CD4: variants seen among roughly 807,000 people sequenced by gnomAD.
The protein encoded by CD4 is CD4 molecule.
A neutral mutation model predicts 50.5 loss-of-function variants in CD4; 25 were observed. The observed-to-expected ratio is 0.49, with a 90% CI of 0.36 to 0.69. CD4 has a LOEUF of 0.69. Among genes scored for constraint, CD4 ranks in the 30% least tolerant of loss-of-function variants. The probability of loss-of-function intolerance (pLI) is 0.00; values close to 1 mark genes in which losing one functional copy is unlikely to be tolerated. For missense variants in CD4, 456 were observed against 548.5 expected (o/e 0.83, Z 1.68); for synonymous variants, 207 against 221.9 (o/e 0.93, Z 0.60).
chr12:6,795,884 T>C (rs1290028381), intron 1 of CD4, among the ~76,000 whole-genome samples: 3 of 152,088 alleles, frequency 2.0e-5, no homozygotes, highest in Admixed American at 2.0e-4. Context: ...CTATGAGCCA[T>C]GTGTGGCTGT....
chr12:6,818,488 C>T lies in CD4; in HGVS notation c.1224C>T (p.Leu408=), dbSNP rs1555118477. The T allele has an allele frequency of 6.2e-7, 1 of 1,613,090 alleles. No homozygotes were observed. Among genetic ancestry groups the T allele is most frequent in the Non-Finnish European group, 8.5e-7 (1 of 1,180,024 alleles). The change falls in exon 8 of 10, where the codon CTC becomes CTT. Residue 408 remains leucine, a synonymous_variant. Transcript: ENST00000011653. This position sits in a 1 kb window ranked among gnomAD's most constrained non-coding sequence, Gnocchi z 5.0. ...ALIVLGGVAG[L]LLFIGLGIFF... ...TTGTGCTGGGGGGCGTCGCCGGCCT[C>T]CTGCTTTTCATTGGGCTAGGCATCT...
intron 3 of CD4, among the ~76,000 whole-genome samples, chr12:6,804,412 C>T (rs1942662778): frequency 6.6e-6 from 1 of 152,112 alleles, no homozygotes; most frequent in Non-Finnish European, 1.5e-5. Context: ...TTGTGGATGA[C>T]ATGATTACAT....
chr12:6,794,495 C>T (rs886298057), intron 1 of CD4, among the ~76,000 whole-genome samples: 18 of 151,632 alleles, frequency 1.2e-4, no homozygotes, highest in Admixed American at 7.2e-4. Context: ...CCTCAGCCTC[C>T]CAAGTAGCTG....
chr12:6,814,300 T>A lies in CD4; in HGVS notation c.373T>A (p.Leu125Met), dbSNP rs368913676. ...GGAGGTGCAATTGCTAGTGTTCGGA[T>A]GTGAGTGGGGCAGGTGGGGATGAGG... ...KEEVQLLVFG[L>M]TANSDTHLLQ... is the part of the protein sequence containing the mutation. The change falls in exon 4 of 10, where the codon TTG becomes ATG. Residue 125 changes from leucine (L) to methionine (M), a missense_variant and splice_region_variant. Physicochemically the swap from Leu to Met is conservative, Grantham distance 15. Transcript: ENST00000011653. 3.1e-6 allele frequency: 5 copies of A among 1,613,480 alleles called. No individual in the cohort carries two copies. The African/African-American group carries it at 5.3e-5, about 17-fold the overall frequency.
chr12:6,805,203 AAAAGAAAAG>A (rs1341639273), intron 3 of CD4, among the ~76,000 whole-genome samples: 15 of 36,398 alleles, frequency 4.1e-4, no homozygotes, highest in Non-Finnish European at 7.3e-4. Flanking sequence ...AAAAAAAAAA[AAAAGAAAAG>A]AAAAGAAAAG....
intron 3 of CD4, among the ~76,000 whole-genome samples, chr12:6,806,272 G>A (rs1170307922): frequency 6.6e-6 from 1 of 151,470 alleles, no homozygotes; most frequent in South Asian, 2.1e-4. Flanking sequence ...ATACACACAC[G>A]TGTGTGTACA....
intron 3 of CD4, among the ~76,000 whole-genome samples, chr12:6,811,732 G>C (rs1412677362): frequency 2.0e-5 from 3 of 149,342 alleles, no homozygotes; most frequent in African/African-American, 7.4e-5. Context: ...GGCTGGTCTT[G>C]AACTCCTGAC....
rs561866898 is a variant in CD4 at position 6,803,791 on chromosome 12, T to A, written c.214+3320T>A. Among the ~76,000 whole-genome samples, 851 of 141,592 alleles carry A rather than the reference T, an allele frequency of 6.0e-3. 7 individuals are homozygous for A. The highest frequency in any genetic ancestry group is 0.021 in the African/African-American group (792 of 38,130). 92.9% of individuals were successfully genotyped at this position (141,592 alleles called of 152,430 possible). Reference sequence around the variant, plus strand: ...CAGAGTGAGACTCCATCACAAAAAATAAATAAATAAATAAATAAAATATAA... The same window carrying A: ...CAGAGTGAGACTCCATCACAAAAAAAAAATAAATAAATAAATAAAATATAA... On this transcript the variant is annotated intron_variant, in intron 3 of 9. Coordinates refer to ENST00000011653, the MANE Select transcript of CD4 (RefSeq NM_000616.5).
intron 3 of CD4, 57 bp downstream of exon 3, chr12:6,800,528 TTGGTGTCTGAGATC>T: frequency 6.8e-7 from 1 of 1,474,228 alleles, no homozygotes; most frequent in South Asian, 1.3e-5. Flanking sequence ...GTGAAAGCCT[TTGGTGTCTGAGATC>T]TGGTCTTAGT....
At chr12:6,810,257 CAT>C (rs1350257766) in intron 3 of CD4, among the ~76,000 whole-genome samples, 2 of 152,196 alleles carry the variant, frequency 1.3e-5, no homozygotes, top group Non-Finnish European at 2.9e-5. Context: ...CAGACTCACT[CAT>C]ATGCTTAGAC....
At chr12:6,807,170 A>C (rs1258140064) in intron 3 of CD4, among the ~76,000 whole-genome samples, 11 of 24,394 alleles carry the variant, frequency 4.5e-4, no homozygotes, top group African/African-American at 2.9e-3. Flanking sequence ...CCGTCTCAAA[A>C]AAACAAAAAC....
intron 1 of CD4, among the ~76,000 whole-genome samples, chr12:6,794,786 GT>G (rs1220016459): frequency 0.018 from 1,845 of 105,316 alleles, 27 homozygotes; most frequent in African/African-American, 0.057. Flanking sequence ...TTTTTTTTTT[GT>G]TTTTTTTTTT....
intron 1 of CD4, 51 bp from the exon 2 acceptor site, chr12:6,800,021 T>C: frequency 2.2e-6 from 2 of 897,740 alleles, no homozygotes; most frequent in East Asian, 2.4e-5. Context: ...CGCCCCTGTA[T>C]ACTCCAGGTC....
In CD4 at chr12:6,818,651, G is replaced by A. The variant is rs55973193; in HGVS notation, c.1278+109G>A. The A allele has an allele frequency of 0.011, 15,370 of 1,401,716 alleles. 128 individuals carry two copies. Among genetic ancestry groups the A allele is most frequent in the South Asian group, 0.025 (2,014 of 80,794 alleles). The allele number at this position is 1,401,716 out of a possible 1,614,324, so 86.8% of individuals were successfully genotyped here. A position where few individuals can be genotyped will look rare whatever the true frequency, so the allele number is the denominator to read the frequency against. ...TTGGCCCAGCTCCCTCTGCCCACTC[G>A]TAAGTTCCCTTGCTGCCCTGTCCCA... On this transcript the variant is annotated intron_variant, in intron 8 of 9. Coordinates refer to ENST00000011653, the MANE Select transcript of CD4 (RefSeq NM_000616.5). This position sits in a 1 kb window ranked among gnomAD's most constrained non-coding sequence, Gnocchi z 5.0.
intron 3 of CD4, among the ~76,000 whole-genome samples, chr12:6,810,851 AG>A (rs1942916604): frequency 6.6e-6 from 1 of 152,014 alleles, no homozygotes; most frequent in South Asian, 2.1e-4. Context: ...GAACAAATAA[AG>A]GGGGAGGTTG....
chr12:6,806,182 C>CACACACAT (rs1555116155), intron 3 of CD4, among the ~76,000 whole-genome samples: 32 of 79,978 alleles, frequency 4.0e-4, no homozygotes, highest in African/African-American at 1.0e-3. Context: ...CACACACACA[C>CACACACAT]ATACACAAGT....
In CD4 at chr12:6,808,494, CT is replaced by C. The variant is rs1186951804; in HGVS notation, c.215-5639del. On this transcript the variant is annotated intron_variant, in intron 3 of 9. Transcript: ENST00000011653. ...AAAAAAAAAAAAAAGTGAAGTTTAC[CT>C]TTTTTTTTAAATTTTTCTTCTTTTC... Among the ~76,000 whole-genome samples the C allele has an allele frequency of 3.9e-5, 5 of 129,046 alleles. 1 individual carries two copies. The highest frequency in any genetic ancestry group is 9.3e-3 in the Middle Eastern group (2 of 216). The allele number at this position is 129,046 out of a possible 152,430, so 84.7% of individuals were successfully genotyped here. A position where few individuals can be genotyped will look rare whatever the true frequency, so the allele number is the denominator to read the frequency against.
chr12:6,790,006 G>T (rs938356016), intron 1 of CD4, among the ~76,000 whole-genome samples: 1 of 152,116 alleles, frequency 6.6e-6, no homozygotes, highest in Non-Finnish European at 1.5e-5. Flanking sequence ...GCAACTAGTC[G>T]TGGGCAGTTG....
intron 3 of CD4, among the ~76,000 whole-genome samples, chr12:6,811,390 T>G (rs1942930216): frequency 6.6e-6 from 1 of 152,190 alleles, no homozygotes; most frequent in Non-Finnish European, 1.5e-5. Flanking sequence ...GACACATACT[T>G]ATGCCAGAAG....
Sources: allele counts gnomAD v4.1 joint callset (sites outside exome capture counted in the v4.1 genomes callset), GRCh38; gene constraint gnomAD v4.1.1; non-coding constraint Gnocchi (gnomAD v3.1); transcripts MANE v1.5; gene names NCBI Gene and HGNC (gene_info 2026-07-23, HGNC 2026-07-21).